Variants in DYNC2I1 observed in about 807,000 individuals in gnomAD.
The protein encoded by DYNC2I1 is dynein 2 intermediate chain 1.
Under a neutral mutation model 133.4 loss-of-function variants are expected in DYNC2I1, and 89 were observed. The observed-to-expected ratio is 0.67, with a 90% CI of 0.56 to 0.80. The LOEUF (loss-of-function observed/expected upper bound fraction) is 0.80. Ranked by LOEUF, DYNC2I1 falls within the 30% of genes least tolerant of loss-of-function variation. DYNC2I1 has a pLI of 0.00. For missense variants in DYNC2I1, 1,291 were observed against 1,314.5 expected (o/e 0.98, Z 0.28); for synonymous variants, 504 against 484.3 (o/e 1.04, Z -0.54).
chr7:158,904,120 C>T (rs934432888), intron 10 of DYNC2I1: 48 of 152,302 alleles, frequency 3.2e-4, no homozygotes, highest in African/African-American at 1.0e-3. Context: ...GCCATGCTGA[C>T]TCCGGGGTTT....
At chr7:158,950,499 A>G (rs1852024036), downstream of DYNC2I1, among the ~76,000 whole-genome samples, 1 of 35,410 alleles carries the variant, frequency 2.8e-5, no homozygotes, top group African/African-American at 1.3e-4. Context: ...CAGGTGTGAT[A>G]TACTGCACGG....
chr7:158,916,697 T>C lies in DYNC2I1; in HGVS notation c.1792-2043T>C, dbSNP rs1471646085. On this transcript the variant is annotated intron_variant, in intron 14 of 24. Coordinates refer to ENST00000407559, the MANE Select transcript of DYNC2I1 (RefSeq NM_018051.5). Reference sequence around the variant, plus strand: ...ACACGGTGGTTGAGATTAAGGATGATTGTGAAACGTCTGCACGCTGGTTGA... The same window carrying C: ...ACACGGTGGTTGAGATTAAGGATGACTGTGAAACGTCTGCACGCTGGTTGA... Among the ~76,000 whole-genome samples the C allele has an allele frequency of 8.2e-5, 6 of 72,828 alleles. 1 individual carries two copies. The highest frequency in any genetic ancestry group is 7.6e-4 in the Admixed American group (6 of 7,844). The allele number at this position is 72,828 out of a possible 152,430, so 47.8% of individuals were successfully genotyped here.
intron 23 of DYNC2I1, 59 bp from the exon 24 acceptor site, chr7:158,941,866 G>A: frequency 6.5e-7 from 1 of 1,526,912 alleles, no homozygotes; most frequent in South Asian, 1.2e-5. Context: ...GACAGAGTGA[G>A]ACCCTGTCTC....
At chr7:158,841,559 TC>T in the DYNC2I1 span, among the ~76,000 whole-genome samples, 1 of 152,122 alleles carries the variant, frequency 6.6e-6, no homozygotes, top group Non-Finnish European at 1.5e-5. Flanking sequence ...TTCTGTCACT[TC>T]CTAGGGTATC....
At chr7:158,891,446 C>G in intron 8 of DYNC2I1, 113 bp downstream of exon 8, 3 of 1,168,206 alleles carry the variant, frequency 2.6e-6, no homozygotes, top group Non-Finnish European at 3.9e-6. Flanking sequence ...CCCTTTCAGA[C>G]AGCAGAACAT....
rs891528982 is a variant in DYNC2I1 at position 158,911,692 on chromosome 7, T to C, written c.1590+13T>C. ...AAATACCAAGCAGGTAAGTATGAGATGTGTTAACTAAGTGATAAAATGCAA... is the reference window on the plus strand; with the variant it reads ...AAATACCAAGCAGGTAAGTATGAGACGTGTTAACTAAGTGATAAAATGCAA... On this transcript the variant is annotated intron_variant, in intron 12 of 24. Transcript: ENST00000407559. 8 of 1,600,452 alleles carry C rather than the reference T, an allele frequency of 5.0e-6. No individual in the cohort carries two copies. The African/African-American group carries it at 1.1e-4, about 22-fold the overall frequency.
At chr7:158,894,083 T>C (rs1027995810) in intron 8 of DYNC2I1, among the ~76,000 whole-genome samples, 8 of 24,084 alleles carry the variant, frequency 3.3e-4, no homozygotes, top group East Asian at 1.0e-3. Flanking sequence ...TACCACATAT[T>C]ATACCGTATA....
At chr7:158,857,438 T>A in intron 1 of DYNC2I1, among the ~76,000 whole-genome samples, 1 of 152,194 alleles carries the variant, frequency 6.6e-6, no homozygotes, top group Admixed American at 6.5e-5. Context: ...GCATACATTT[T>A]CTTCTACCTT....
At chr7:158,867,139 T>C (rs1275536122) in intron 1 of DYNC2I1, among the ~76,000 whole-genome samples, 1 of 152,002 alleles carries the variant, frequency 6.6e-6, no homozygotes, top group Non-Finnish European at 1.5e-5. Context: ...GAAATCATCC[T>C]TGATTGAGTT....
At chr7:158,913,702 G>T (rs2527205) in intron 13 of DYNC2I1, among the ~76,000 whole-genome samples, 128,188 of 152,074 alleles carry the variant, frequency 0.84, 54,183 homozygotes, top group East Asian at 0.95. Flanking sequence ...TTAAATTGAT[G>T]CCTTTGAAAA....
chr7:158,841,990 T>C, the DYNC2I1 span, among the ~76,000 whole-genome samples: 1 of 152,170 alleles, frequency 6.6e-6, no homozygotes, highest in East Asian at 1.9e-4. Context: ...ATCCACGTCG[T>C]GTGTGACATT....
At chr7:158,955,776 CA>C (rs1852183908) in intron 4 of DYNC2I1, among the ~76,000 whole-genome samples, 1 of 152,236 alleles carries the variant, frequency 6.6e-6, no homozygotes, top group African/African-American at 2.4e-5. Context: ...CTGTAAGCTC[CA>C]GAGCTTGTGA....
intron 11 of DYNC2I1, among the ~76,000 whole-genome samples, chr7:158,906,744 C>T (rs1035424143): frequency 2.6e-5 from 4 of 152,344 alleles, no homozygotes; most frequent in African/African-American, 7.2e-5. Flanking sequence ...AGGCATGAGC[C>T]AGCATGCCTG....
the DYNC2I1 span, among the ~76,000 whole-genome samples, chr7:158,839,712 CG>C: frequency 6.6e-6 from 1 of 151,790 alleles, no homozygotes; most frequent in Admixed American, 6.6e-5. Flanking sequence ...CCCAGCTACT[CG>C]GGAGGCTGAG....
downstream of DYNC2I1, among the ~76,000 whole-genome samples, chr7:158,946,805 T>C (rs900287478): frequency 2.0e-5 from 3 of 152,208 alleles, no homozygotes; most frequent in South Asian, 2.1e-4. Flanking sequence ...CCCAGCACCG[T>C]TGGCCATCGA....
intron 24 of DYNC2I1, among the ~76,000 whole-genome samples, chr7:158,944,940 T>TG (rs1851729232): frequency 6.6e-6 from 1 of 151,964 alleles, no homozygotes; most frequent in African/African-American, 2.4e-5. Flanking sequence ...GGGGTTTGAA[T>TG]GGGGGCCAGG....
chr7:158,873,196 T>C (rs761006404), intron 3 of DYNC2I1, among the ~76,000 whole-genome samples: 8 of 152,160 alleles, frequency 5.3e-5, no homozygotes, highest in Non-Finnish European at 1.0e-4. Flanking sequence ...CCTCCCCAAA[T>C]GGAAATTTCT....
chr7:158,854,467 C>T (rs554946233), upstream of DYNC2I1, among the ~76,000 whole-genome samples: 11 of 131,358 alleles, frequency 8.4e-5, no homozygotes, highest in African/African-American at 3.3e-4. Flanking sequence ...CACATGGACA[C>T]AGGGAGAGGA....
At chr7:158,915,161 CAACACG>C (rs1847923974) in intron 14 of DYNC2I1, among the ~76,000 whole-genome samples, 1 of 150,662 alleles carries the variant, frequency 6.6e-6, no homozygotes, top group Admixed American at 6.8e-5. Context: ...TGTGAAATGT[CAACACG>C]CTGGTTGACA....
Sources: gnomAD v4.1 joint callset for allele counts (sites outside exome capture counted in the v4.1 genomes callset) on GRCh38, gnomAD v4.1.1 for gene constraint, MANE v1.5 for transcripts, NCBI Gene and HGNC (gene_info 2026-07-23, HGNC 2026-07-21) for gene names.